Variants in MYO1B observed in about 807,000 individuals in gnomAD.
MYO1B encodes the protein unconventional myosin-Ib.
A neutral mutation model predicts 159.7 loss-of-function variants in MYO1B; 72 were observed. The observed-to-expected ratio is 0.45, with a 90% confidence interval of 0.37 to 0.55. The LOEUF is 0.55. Among genes scored for constraint, MYO1B ranks in the 20% least tolerant of loss-of-function variants. The pLI, the probability that MYO1B is intolerant of heterozygous loss-of-function variation, is 0.00. For synonymous variants in MYO1B, 468 were observed against 473.8 expected (o/e 0.99, Z 0.16); for missense variants, 1,062 against 1,364.8 (o/e 0.78, Z 3.50).
At chr2:191,288,731 A>T (rs1002929051) in intron 2 of MYO1B, among the ~76,000 whole-genome samples, 1 of 152,240 alleles carries the variant, frequency 6.6e-6, no homozygotes, top group Admixed American at 6.5e-5. Context: ...TCTATCAGTC[A>T]GTGCGATTGT....
intron 24 of MYO1B, 31 bp from the exon 25 acceptor site, chr2:191,408,084 A>T (rs1697037444): frequency 6.7e-7 from 1 of 1,500,340 alleles, no homozygotes; most frequent in Non-Finnish European, 9.3e-7. Flanking sequence ...GCCACACATT[A>T]ACCACTGTAA....
intron 1 of MYO1B, among the ~76,000 whole-genome samples, chr2:191,258,928 G>C (rs537345173): frequency 1.5e-4 from 23 of 152,326 alleles, no homozygotes; most frequent in African/African-American, 5.3e-4. Flanking sequence ...ACCTTTTTGT[G>C]TCTCATGGAC....
intron 17 of MYO1B, chr2:191,388,201 T>A (rs977567793): frequency 6.6e-5 from 10 of 151,912 alleles, no homozygotes; most frequent in Admixed American, 3.9e-4. Context: ...GGAGAATCGC[T>A]TGGAGGCAGA....
intron 29 of MYO1B, among the ~76,000 whole-genome samples, 185 bp from the exon 30 acceptor site, chr2:191,415,930 C>T (rs1316542536): frequency 6.6e-6 from 1 of 152,144 alleles, no homozygotes; most frequent in African/African-American, 2.4e-5. Flanking sequence ...GATTAGGTAA[C>T]CTTACTAAAG....
chr2:191,410,211 C>T (rs1481993119), intron 26 of MYO1B, among the ~76,000 whole-genome samples: 1 of 152,154 alleles, frequency 6.6e-6, no homozygotes, highest in Admixed American at 6.5e-5. Context: ...CACCTCTGCC[C>T]TCCCCTGGCT....
intron 1 of MYO1B, among the ~76,000 whole-genome samples, chr2:191,271,758 A>G (rs1477247120): frequency 6.6e-6 from 1 of 152,184 alleles, no homozygotes; most frequent in African/African-American, 2.4e-5. Flanking sequence ...TTATTATTTA[A>G]TTATTAATTT....
chr2:191,409,471 C>G (rs905306615), intron 26 of MYO1B, among the ~76,000 whole-genome samples: 1 of 152,126 alleles, frequency 6.6e-6, no homozygotes, highest in Non-Finnish European at 1.5e-5. Flanking sequence ...GTTTTTTGTT[C>G]ATTTGTTTCT....
intron 17 of MYO1B, chr2:191,387,895 G>C (rs1695489080): frequency 5.0e-6 from 1 of 199,966 alleles, no homozygotes; most frequent in African/African-American, 2.4e-5. Flanking sequence ...CTTCTTAGGA[G>C]ACATGCACTT....
chr2:191,256,152 TTGAGA>T (rs1686430542), intron 1 of MYO1B, among the ~76,000 whole-genome samples: 1 of 152,206 alleles, frequency 6.6e-6, no homozygotes, highest in South Asian at 2.1e-4. Flanking sequence ...CTGAGCTTAG[TTGAGA>T]TAAGTCCTCT....
chr2:191,409,215 C>A (rs1478285224), intron 26 of MYO1B, 37 bp downstream of exon 26: 2 of 1,586,292 alleles, frequency 1.3e-6, no homozygotes, highest in Admixed American at 3.8e-5. Context: ...CGGAGACTTT[C>A]TTATTTATTT....
intron 14 of MYO1B, among the ~76,000 whole-genome samples, chr2:191,382,038 ATAATC>A (rs1031682419): frequency 6.6e-5 from 10 of 152,298 alleles, no homozygotes; most frequent in African/African-American, 2.4e-4. Flanking sequence ...CTCATTTAAT[ATAATC>A]TTAAAATAAC....
intron 3 of MYO1B, among the ~76,000 whole-genome samples, chr2:191,315,684 A>G (rs1043282676): frequency 6.6e-6 from 1 of 152,272 alleles, no homozygotes; most frequent in Non-Finnish European, 1.5e-5. Flanking sequence ...GAGACTGACT[A>G]TGTGAAGGGT....
intron 4 of MYO1B, among the ~76,000 whole-genome samples, chr2:191,340,626 G>T (rs899892379): frequency 6.6e-6 from 1 of 152,026 alleles, no homozygotes; most frequent in African/African-American, 2.4e-5. Context: ...AAAAGGCTGC[G>T]TTTTTTTGTT....
At chr2:191,278,891 G>A (rs576913124) in intron 2 of MYO1B, among the ~76,000 whole-genome samples, 2 of 152,280 alleles carry the variant, frequency 1.3e-5, no homozygotes, top group African/African-American at 2.4e-5. Flanking sequence ...TGTAACTAAC[G>A]TTACCGATCA....
At chr2:191,390,078 TG>T (rs1695651384) in intron 17 of MYO1B, among the ~76,000 whole-genome samples, 2 of 152,260 alleles carry the variant, frequency 1.3e-5, no homozygotes. Flanking sequence ...CATTTATTAG[TG>T]TGTTCTTTTT....
chr2:191,363,677 A>G (rs767766810), intron 9 of MYO1B, 51 bp from the exon 10 acceptor site: 1 of 1,549,948 alleles, frequency 6.5e-7, no homozygotes. Context: ...TAAAAAAGAA[A>G]AGAAAATAAC....
intron 1 of MYO1B, among the ~76,000 whole-genome samples, chr2:191,262,757 C>T (rs1455108352): frequency 6.6e-6 from 1 of 152,138 alleles, no homozygotes; most frequent in Non-Finnish European, 1.5e-5. Flanking sequence ...ACCATTCTGC[C>T]AGGTCACCGT....
At chr2:191,384,282 C>T (rs4522548) in intron 15 of MYO1B, among the ~76,000 whole-genome samples, 124,552 of 152,220 alleles carry the variant, frequency 0.82, 54,707 homozygotes, top group Non-Finnish European at 0.98. Context: ...GTGTATAAGC[C>T]TTATTATCCT....
rs367901963 is a variant in MYO1B at position 191,374,730 on chromosome 2, G to GA, written c.1185+4446dup. On this transcript the variant is annotated intron_variant, in intron 13 of 30. Coordinates refer to ENST00000392318, the MANE Select transcript of MYO1B (RefSeq NM_001130158.3). ...GTGAAGTGAATTAAAATGCATAGAG[G>GA]AAAAAAAATCTAGCTGTACATCCTG... Among the ~76,000 whole-genome samples, 337 of 151,776 alleles carry GA rather than the reference G, an allele frequency of 2.2e-3. 1 individual carries two copies. Among genetic ancestry groups the GA allele is most frequent in the African/African-American group, 7.6e-3 (316 of 41,406 alleles).
Sources: gnomAD v4.1 joint callset for allele counts (sites outside exome capture counted in the v4.1 genomes callset) on GRCh38, gnomAD v4.1.1 for gene constraint, MANE v1.5 for transcripts, NCBI Gene and HGNC (gene_info 2026-07-23, HGNC 2026-07-21) for gene names.